AKT3: variants seen among roughly 807,000 people sequenced by gnomAD.
AKT3 encodes the protein RAC-gamma serine/threonine-protein kinase.
AKT3 carries 15 observed loss-of-function variants against 65.3 expected under a neutral mutation model. The observed-to-expected ratio is 0.23, with a 90% CI of 0.15 to 0.35. The LOEUF is 0.35. Ranked by LOEUF, AKT3 falls within the 10% of genes least tolerant of loss-of-function variation. The probability of loss-of-function intolerance (pLI) is 1.00; values close to 1 mark genes in which losing one functional copy is unlikely to be tolerated. For missense variants in AKT3, 243 were observed against 576.5 expected (o/e 0.42, Z 5.92); for synonymous variants, 206 against 183.8 (o/e 1.12, Z -0.98).
downstream of AKT3, among the ~76,000 whole-genome samples, chr1:243,497,339 G>GT (rs763652540): frequency 7.0e-6 from 1 of 143,530 alleles, no homozygotes; most frequent in Non-Finnish European, 1.5e-5. Flanking sequence ...GGCACGGGTG[G>GT]GGGGGGGGGC....
chr1:243,497,218 G>A (rs1340545634), downstream of AKT3, among the ~76,000 whole-genome samples: 1 of 151,864 alleles, frequency 6.6e-6, no homozygotes, highest in Non-Finnish European at 1.5e-5. Flanking sequence ...AGAGAAATGT[G>A]TGTTACCAAA....
intron 13 of AKT3, among the ~76,000 whole-genome samples, chr1:243,509,494 C>G (rs1669886589): frequency 6.6e-6 from 1 of 152,142 alleles, no homozygotes; most frequent in Admixed American, 6.5e-5. Context: ...AAATGACTGA[C>G]TAGCCTAAGA....
intron 2 of AKT3, among the ~76,000 whole-genome samples, chr1:243,778,448 A>C (rs754021955): frequency 6.6e-6 from 1 of 152,188 alleles, no homozygotes; most frequent in Non-Finnish European, 1.5e-5. Flanking sequence ...GCATACACAA[A>C]TATAAAACAG....
intron 6 of AKT3, among the ~76,000 whole-genome samples, 154 bp downstream of exon 6, chr1:243,637,457 A>G (rs546966518): frequency 6.6e-6 from 1 of 152,230 alleles, no homozygotes; most frequent in East Asian, 1.9e-4. Flanking sequence ...AAAATTACAA[A>G]TATTAATACA....
At chr1:243,624,668 C>T (rs1457800260) in intron 6 of AKT3, 1 of 198,556 alleles carries the variant, frequency 5.0e-6, no homozygotes. Flanking sequence ...TTTATGCCTT[C>T]TTATAGTGGT....
intron 2 of AKT3, among the ~76,000 whole-genome samples, chr1:243,774,919 T>C (rs202100986): frequency 4.6e-5 from 7 of 152,214 alleles, no homozygotes; most frequent in African/African-American, 1.2e-4. Context: ...CTGGAATGCA[T>C]TGGTGCAAAT....
At chr1:243,677,166 C>T (rs1226570356) in intron 3 of AKT3, among the ~76,000 whole-genome samples, 2 of 152,192 alleles carry the variant, frequency 1.3e-5, no homozygotes, top group African/African-American at 4.8e-5. Flanking sequence ...CAGGATTTAA[C>T]AACTCATGCT....
At chr1:243,767,143 T>A (rs1689878074) in intron 2 of AKT3, among the ~76,000 whole-genome samples, 3 of 152,132 alleles carry the variant, frequency 2.0e-5, no homozygotes, top group Non-Finnish European at 4.4e-5. Flanking sequence ...AGAGTAAGGA[T>A]GGGTTATAGT....
chr1:243,580,051 A>G (rs1023073176), intron 8 of AKT3, among the ~76,000 whole-genome samples: 3 of 152,190 alleles, frequency 2.0e-5, no homozygotes, highest in Non-Finnish European at 2.9e-5. Flanking sequence ...CTTTTCCCCA[A>G]GAGGGTGGGT....
chr1:243,551,630 G>A (rs898366634), intron 11 of AKT3, among the ~76,000 whole-genome samples: 7 of 151,560 alleles, frequency 4.6e-5, no homozygotes, highest in Admixed American at 3.9e-4. Context: ...AAAACTCTAT[G>A]TGAGGTATTA....
At chr1:243,515,931 C>T (rs947564411) in intron 12 of AKT3, among the ~76,000 whole-genome samples, 1 of 151,284 alleles carries the variant, frequency 6.6e-6, no homozygotes, top group South Asian at 2.1e-4. Context: ...GAGCTGAGAT[C>T]GCGTCACTGC....
chr1:243,843,499 A>C (rs539707197), intron 1 of AKT3: 522 of 1,070,146 alleles, frequency 4.9e-4, no homozygotes, highest in Admixed American at 1.2e-3. Context: ...CTTTTAACCT[A>C]AGAGGTTGCA....
At chr1:243,797,219 C>A (rs564535579) in intron 2 of AKT3, among the ~76,000 whole-genome samples, 4 of 151,898 alleles carry the variant, frequency 2.6e-5, no homozygotes, top group Non-Finnish European at 4.4e-5. Flanking sequence ...TCAAAAGACA[C>A]CTCCCAAGAT....
intron 2 of AKT3, among the ~76,000 whole-genome samples, chr1:243,791,930 T>C (rs923011507): frequency 4.6e-5 from 7 of 152,258 alleles, no homozygotes; most frequent in African/African-American, 1.7e-4. Context: ...AGAAAGTTTT[T>C]GTTGTTTTAG....
Position 243,500,892 on chromosome 1 carries a change from T to TA in AKT3, c.*4356dup, listed in dbSNP as rs1430397633. 8.8e-6 allele frequency: 2 copies of TA among 228,408 alleles called. No homozygotes were observed. Among genetic ancestry groups the TA allele is most frequent in the African/African-American group, 4.4e-5 (2 of 45,078 alleles). 14.1% of individuals were successfully genotyped at this position (228,408 alleles called of 1,614,324 possible). On this transcript the variant is annotated 3_prime_UTR_variant, in exon 14 of 14. Transcript: ENST00000673466. ...AAGTTTTTTATTTCATCAAATGTGC[T>TA]AGACATAAAGGCTGTCACATAAGAT...
chr1:243,674,364 A>C (rs1023284623), intron 3 of AKT3, among the ~76,000 whole-genome samples: 1 of 152,246 alleles, frequency 6.6e-6, no homozygotes, highest in Non-Finnish European at 1.5e-5. Context: ...TGATAGCATT[A>C]CTAAGAGCTG....
chr1:243,652,030 C>A lies in AKT3; in HGVS notation c.285-5993G>T, dbSNP rs530924617. On this transcript the variant is annotated intron_variant, in intron 4 of 13. Transcript: ENST00000673466. ...GAGAGTGGGGGCCAATACTCAACAT[C>A]CTTAGAGAAAAGAATTCTTTTTTTT... 4.7e-5 allele frequency among the ~76,000 whole-genome samples: 7 copies of A among 147,938 alleles called. No individual in the cohort carries two copies. The East Asian group carries it at 1.4e-3, about 30-fold the overall frequency.
At chr1:243,508,298 A>C (rs1360870162) in intron 13 of AKT3, among the ~76,000 whole-genome samples, 1 of 152,232 alleles carries the variant, frequency 6.6e-6, no homozygotes, top group Non-Finnish European at 1.5e-5. Context: ...GTTAACCACC[A>C]TCAAGGCTGC....
At chr1:243,832,288 T>G (rs1442028502) in intron 2 of AKT3, among the ~76,000 whole-genome samples, 5 of 152,102 alleles carry the variant, frequency 3.3e-5, no homozygotes, top group African/African-American at 1.2e-4. Context: ...ACCTCATAAC[T>G]TGTAGTACTC....
Sources: allele counts gnomAD v4.1 joint callset (sites outside exome capture counted in the v4.1 genomes callset), GRCh38; gene constraint gnomAD v4.1.1; transcripts MANE v1.5; gene names NCBI Gene and HGNC (gene_info 2026-07-23, HGNC 2026-07-21).